PEAK1: variants seen among roughly 807,000 people sequenced by gnomAD.
The protein encoded by PEAK1 is pseudopodium enriched atypical kinase 1.
PEAK1 carries 54 observed loss-of-function variants against 124.7 expected under a neutral mutation model. The observed-to-expected ratio is 0.43, with a 90% confidence interval of 0.35 to 0.54. PEAK1 has a LOEUF of 0.54. PEAK1 is among the 20% of genes least tolerant of loss of function. PEAK1 has a pLI of 0.01. For missense variants in PEAK1, 2,046 were observed against 2,134.5 expected (o/e 0.96, Z 0.82); for synonymous variants, 719 against 760.0 (o/e 0.95, Z 0.89).
chr15:77,139,569 CTA>C (rs1274703907), intron 8 of PEAK1, among the ~76,000 whole-genome samples: 1 of 152,098 alleles, frequency 6.6e-6, no homozygotes, highest in Admixed American at 6.5e-5. Flanking sequence ...CATCATAATC[CTA>C]TGAGACCAGT....
At chr15:77,301,812 A>C (rs1431006719) in intron 2 of PEAK1, among the ~76,000 whole-genome samples, 4 of 152,180 alleles carry the variant, frequency 2.6e-5, no homozygotes, top group African/African-American at 9.6e-5. Flanking sequence ...TGAGGGTGGA[A>C]TGTCTAAGTA....
chr15:77,314,118 G>A (rs539037170), intron 2 of PEAK1, among the ~76,000 whole-genome samples: 9 of 152,150 alleles, frequency 5.9e-5, no homozygotes, highest in African/African-American at 2.2e-4. Context: ...AAGCATTACA[G>A]TATTTTTCTG....
At chr15:77,166,569 G>A (rs2056113702) in intron 7 of PEAK1, among the ~76,000 whole-genome samples, 1 of 152,198 alleles carries the variant, frequency 6.6e-6, no homozygotes, top group South Asian at 2.1e-4. Flanking sequence ...GTGCCCCGGG[G>A]GGGAATCCCA....
Position 77,114,117 on chromosome 15 carries a change from G to A in PEAK1, c.*39C>T. Reference sequence around the variant, plus strand: ...AGGGGAAGTGCATGGGTGACATGAAGAAGGTGAAGATGTAGTAAAAGCATC... The same window carrying A: ...AGGGGAAGTGCATGGGTGACATGAAAAAGGTGAAGATGTAGTAAAAGCATC... On this transcript the variant is annotated 3_prime_UTR_variant, in exon 10 of 10. Transcript: ENST00000682557. 2 of 1,587,452 alleles carry A rather than the reference G, an allele frequency of 1.3e-6. No homozygotes were observed. Among genetic ancestry groups the A allele is most frequent in the South Asian group, 2.3e-5 (2 of 88,274 alleles).
intron 6 of PEAK1, among the ~76,000 whole-genome samples, chr15:77,228,583 C>T (rs2059777363): frequency 6.6e-6 from 1 of 152,082 alleles, no homozygotes; most frequent in African/African-American, 2.4e-5. Context: ...CCAGAACTTG[C>T]TGCTCTTTCA....
intron 5 of PEAK1, among the ~76,000 whole-genome samples, chr15:77,266,429 A>C (rs2061736220): frequency 6.6e-6 from 1 of 152,114 alleles, no homozygotes. Flanking sequence ...CTGGAGGATG[A>C]TTAGGACCCT....
intron 2 of PEAK1, among the ~76,000 whole-genome samples, chr15:77,298,361 G>C (rs1685346931): frequency 6.6e-6 from 1 of 150,814 alleles, no homozygotes; most frequent in African/African-American, 2.4e-5. Flanking sequence ...TGGGACTACA[G>C]GCGCCCGCCA....
At chr15:77,204,071 A>C (rs2058507576) in intron 6 of PEAK1, among the ~76,000 whole-genome samples, 1 of 152,256 alleles carries the variant, frequency 6.6e-6, no homozygotes, top group Non-Finnish European at 1.5e-5. Context: ...CAACAATAAG[A>C]AAATGAACAA....
Position 77,179,060 on chromosome 15 carries a change from TCCAG to T in PEAK1, c.2863_2866del (p.Leu955MetfsTer93). The T allele has an allele frequency of 6.2e-7, 1 of 1,614,150 alleles. No homozygotes were observed. On this transcript the variant is annotated frameshift_variant, in exon 7 of 10. Transcript: ENST00000682557. LOFTEE classifies it high-confidence loss of function. ...AGGCAGCATGTGAATGACTGTGCCA[TCCAG>T]GCCCACCAGTTTCCCTTTCTCTCGC...
chr15:77,181,601 G>C lies in PEAK1; in HGVS notation c.326C>G (p.Ala109Gly). The C allele has an allele frequency of 6.2e-7, 1 of 1,614,122 alleles. No homozygotes were observed. Among genetic ancestry groups the C allele is most frequent in the Non-Finnish European group, 8.5e-7 (1 of 1,180,026 alleles). ...PVIIGWNRNR[A>G]ALSQKPLNNN... is the part of the protein sequence containing the mutation. ...GTTAAGTGGTTTCTGACTCAAGGCA[G>C]CTCTGTTTCGGTTCCACCCTATGAT... The change falls in exon 7 of 10, where the codon GCT becomes GGT. Residue 109 changes from alanine (A) to glycine (G), a missense_variant. Ala to Gly is a moderately conservative substitution (Grantham distance 60). Transcript: ENST00000682557.
chr15:77,155,068 C>G (rs1319641657), intron 8 of PEAK1: 3 of 152,196 alleles, frequency 2.0e-5, no homozygotes, highest in African/African-American at 7.2e-5. Flanking sequence ...GGATAATATC[C>G]TGCAGAGTGT....
At chr15:77,306,730 C>T (rs2064126883) in intron 2 of PEAK1, among the ~76,000 whole-genome samples, 1 of 152,118 alleles carries the variant, frequency 6.6e-6, no homozygotes, top group Non-Finnish European at 1.5e-5. Flanking sequence ...ATCCCAATTC[C>T]AAACTCTCCA....
intron 2 of PEAK1, chr15:77,348,038 C>T (rs2066975209): frequency 7.1e-6 from 7 of 985,102 alleles, no homozygotes; most frequent in Non-Finnish European, 8.4e-6. Flanking sequence ...ATGCACATGG[C>T]TATCAAATAT....
intron 5 of PEAK1, among the ~76,000 whole-genome samples, chr15:77,273,244 T>C (rs536911173): frequency 6.6e-6 from 1 of 152,132 alleles, no homozygotes; most frequent in South Asian, 2.1e-4. Context: ...CTATTCAACA[T>C]AGTACTGGAA....
At chr15:77,187,596 C>T (rs2057611709) in intron 6 of PEAK1, among the ~76,000 whole-genome samples, 1 of 152,186 alleles carries the variant, frequency 6.6e-6, no homozygotes, top group South Asian at 2.1e-4. Context: ...ACAGCATTTC[C>T]TAAAGGCACC....
At chr15:77,246,130 T>C (rs902486361) in intron 6 of PEAK1, among the ~76,000 whole-genome samples, 2 of 141,550 alleles carry the variant, frequency 1.4e-5, no homozygotes, top group East Asian at 4.1e-4. Context: ...TGCCTCAGCC[T>C]CTCGAGTAGC....
chr15:77,405,074 T>C (rs34772392), intron 1 of PEAK1, among the ~76,000 whole-genome samples: 12,812 of 151,918 alleles, frequency 0.084, 618 homozygotes, highest in Non-Finnish European at 0.1. Flanking sequence ...GGTGCAATCT[T>C]GGCTCACTGC....
chr15:77,187,478 C>G (rs926847502), intron 6 of PEAK1, among the ~76,000 whole-genome samples: 2 of 152,244 alleles, frequency 1.3e-5, no homozygotes, highest in African/African-American at 4.8e-5. Flanking sequence ...GGATTTCAAT[C>G]TTGAAATAAA....
intron 5 of PEAK1, among the ~76,000 whole-genome samples, chr15:77,272,894 T>A (rs1361589229): frequency 6.6e-6 from 1 of 151,942 alleles, no homozygotes; most frequent in African/African-American, 2.4e-5. Flanking sequence ...CCAACAGAGA[T>A]AAAAAAGATA....
Sources: allele counts gnomAD v4.1 joint callset (sites outside exome capture counted in the v4.1 genomes callset), GRCh38; gene constraint gnomAD v4.1.1; transcripts MANE v1.5; gene names NCBI Gene and HGNC (gene_info 2026-07-23, HGNC 2026-07-21).